The following ADGRV1 variants were observed in gnomAD, a reference collection of about 807,000 sequenced individuals.
The protein encoded by ADGRV1 is G-protein coupled receptor 98.
In ADGRV1, 359 loss-of-function variants were observed where a neutral mutation model predicts 596.2. That is an observed-to-expected ratio of 0.60 (90% CI 0.55 to 0.66). ADGRV1 has a LOEUF of 0.66. Ranked by LOEUF, ADGRV1 falls within the 30% of genes least tolerant of loss-of-function variation. ADGRV1 has a pLI of 0.00. For synonymous variants in ADGRV1, 2,681 were observed against 2,679.2 expected (o/e 1.00, Z -0.02); for missense variants, 7,274 against 7,575.6 (o/e 0.96, Z 1.48).
intron 83 of ADGRV1, among the ~76,000 whole-genome samples, chr5:90,947,691 T>C (rs1776704367): frequency 1.3e-5 from 2 of 151,938 alleles, no homozygotes; most frequent in Admixed American, 1.3e-4. Context: ...TGAAATAGGG[T>C]GAGGAAGGTC....
chr5:91,066,288 T>G lies in ADGRV1; in HGVS notation c.18153-6159T>G, dbSNP rs749172100. ...TTTCAAAAGCTACTCTAACATGATA[T>G]TCACAGTTTCCTAACACCCCTGATC... On this transcript the variant is annotated intron_variant, in intron 85 of 89. Coordinates refer to ENST00000405460, the MANE Select transcript of ADGRV1 (RefSeq NM_032119.4). Among the ~76,000 whole-genome samples the G allele has an allele frequency of 3.7e-4, 56 of 152,216 alleles. 1 individual carries two copies. The highest frequency in any genetic ancestry group is 7.5e-4 in the Non-Finnish European group (51 of 68,038).
At chr5:91,004,167 A>G (rs1328026054) in intron 85 of ADGRV1, among the ~76,000 whole-genome samples, 1 of 152,214 alleles carries the variant, frequency 6.6e-6, no homozygotes, top group Non-Finnish European at 1.5e-5. Context: ...AAGACTTCCA[A>G]CTATCAGATA....
chr5:91,047,194 A>G (rs558862366), intron 85 of ADGRV1, among the ~76,000 whole-genome samples: 15 of 152,136 alleles, frequency 9.9e-5, no homozygotes, highest in Non-Finnish European at 1.8e-4. Context: ...ACTGTGAACA[A>G]ATTTCTTAGT....
chr5:91,015,693 G>T (rs1783118128), intron 85 of ADGRV1, among the ~76,000 whole-genome samples: 1 of 151,966 alleles, frequency 6.6e-6, no homozygotes, highest in South Asian at 2.1e-4. Context: ...TCTGAAATTA[G>T]AATCGCAACT....
In ADGRV1 at chr5:90,720,179, C is replaced by G. The variant is rs1027889901; in HGVS notation, c.9579C>G (p.Asn3193Lys). 1.9e-6 allele frequency: 3 copies of G among 1,607,460 alleles called. No individual in the cohort carries two copies. The highest frequency in any genetic ancestry group is 1.7e-6 in the Non-Finnish European group (2 of 1,176,978). The change falls in exon 44 of 90, where the codon AAC becomes AAG. Residue 3193 changes from asparagine to lysine, a missense_variant. This residue lies in a region of ADGRV1 where 3,643 missense variants were observed against 3,809.2 expected (regional missense o/e 0.96). Coordinates refer to ENST00000405460, the MANE Select transcript of ADGRV1 (RefSeq NM_032119.4). Reference protein sequence around the residue: ...HVQTLITVLQNQAPLGLFSIS... With the variant: ...HVQTLITVLQKQAPLGLFSIS... ...AAACCCTGATAACAGTTTTGCAAAA[C>G]CAGGCCCCTTTGGGGCTATTCAGTA...
intron 58 of ADGRV1, chr5:90,763,067 A>G (rs1200518114): frequency 4.9e-6 from 2 of 404,774 alleles, no homozygotes; most frequent in Admixed American, 3.8e-5. Flanking sequence ...TCTCTGGGTC[A>G]GAATTCAGTC....
At chr5:90,729,868 G>GT (rs1752311667) in intron 50 of ADGRV1, 104 bp downstream of exon 50, 41 of 1,197,442 alleles carry the variant, frequency 3.4e-5, no homozygotes, top group African/African-American at 3.0e-4. Flanking sequence ...CAGACACTGG[G>GT]TATTTTTTTT....
intron 59 of ADGRV1, among the ~76,000 whole-genome samples, chr5:90,771,649 A>G (rs1757705205): frequency 6.6e-6 from 1 of 152,232 alleles, no homozygotes; most frequent in Non-Finnish European, 1.5e-5. Context: ...TAAAGGTTTT[A>G]AATTTTTTAA....
In ADGRV1 at chr5:90,924,189, C is replaced by G. The variant is rs903770702; in HGVS notation, c.17857-41226C>G. ...TCAAATGGTATTTCTAGTTCTAGAT[C>G]CCTGAGGAATCATCACACTGACTTC... On this transcript the variant is annotated intron_variant, in intron 83 of 89. Transcript: ENST00000405460. 9.2e-5 allele frequency among the ~76,000 whole-genome samples: 14 copies of G among 151,812 alleles called. 1 individual carries two copies. Among genetic ancestry groups the G allele is most frequent in the African/African-American group, 3.4e-4 (14 of 41,098 alleles).
At chr5:91,116,331 G>A (rs1365229097) in intron 87 of ADGRV1, among the ~76,000 whole-genome samples, 1 of 152,148 alleles carries the variant, frequency 6.6e-6, no homozygotes, top group Non-Finnish European at 1.5e-5. Context: ...TTTTGTGATT[G>A]TAGGCAAATT....
chr5:90,725,373 A>C, intron 47 of ADGRV1, 141 bp downstream of exon 47: 1 of 698,350 alleles, frequency 1.4e-6, no homozygotes, highest in Non-Finnish European at 2.3e-6. Flanking sequence ...ATTTTAGCAA[A>C]GTATCTTAAT....
intron 1 of ADGRV1, among the ~76,000 whole-genome samples, chr5:90,594,615 G>T (rs1038795256): frequency 1.3e-3 from 183 of 146,084 alleles, no homozygotes; most frequent in Non-Finnish European, 3.1e-4. Context: ...GGTTTTCCTA[G>T]GCAGAGGACC....
chr5:91,148,824 C>T (rs905868470), intron 87 of ADGRV1, among the ~76,000 whole-genome samples: 1 of 152,212 alleles, frequency 6.6e-6, no homozygotes, highest in African/African-American at 2.4e-5. Context: ...TGCAAAGCCA[C>T]AGGGGTGGAG....
At chr5:90,958,603 C>T (rs1054351303) in intron 83 of ADGRV1, among the ~76,000 whole-genome samples, 1 of 152,126 alleles carries the variant, frequency 6.6e-6, no homozygotes, top group South Asian at 2.1e-4. Flanking sequence ...TCAGGGTTGA[C>T]TTCATTCTGA....
chr5:90,605,068 A>G (rs1761910008), intron 1 of ADGRV1, among the ~76,000 whole-genome samples: 1 of 152,160 alleles, frequency 6.6e-6, no homozygotes, highest in African/African-American at 2.4e-5. Context: ...TGCAAACGGG[A>G]GTACATGAGC....
chr5:90,665,654 T>C (rs61008196), intron 21 of ADGRV1, among the ~76,000 whole-genome samples: 79,825 of 145,962 alleles, frequency 0.55, 22,517 homozygotes, highest in East Asian at 0.8. Context: ...GCCTTCTGCT[T>C]GCTTTTGAAT....
rs1436133492 is a variant in ADGRV1 at position 90,637,724 on chromosome 5, G to A, written c.2017-1G>A. ...TTGTTCTGTTCTTTTCTTTTTATAAGGTATACATTCCCTTACATCGGGATG... is the reference window on the plus strand; with the variant it reads ...TTGTTCTGTTCTTTTCTTTTTATAAAGTATACATTCCCTTACATCGGGATG... On this transcript the variant is annotated splice_acceptor_variant, in intron 10 of 89. Transcript: ENST00000405460. LOFTEE classifies it high-confidence loss of function. 1.9e-6 allele frequency: 3 copies of A among 1,578,320 alleles called. No individual in the cohort carries two copies. The East Asian group carries it at 6.7e-5, about 35-fold the overall frequency.
At chr5:90,899,773 C>T (rs1771667994) in intron 83 of ADGRV1, among the ~76,000 whole-genome samples, 1 of 152,090 alleles carries the variant, frequency 6.6e-6, no homozygotes, top group Non-Finnish European at 1.5e-5. Flanking sequence ...GACTCTCATG[C>T]TCCATTCCTT....
chr5:91,133,029 T>G (rs190040680), intron 87 of ADGRV1, among the ~76,000 whole-genome samples: 51 of 152,252 alleles, frequency 3.3e-4, no homozygotes, highest in South Asian at 2.9e-3. Flanking sequence ...AGAATTATTA[T>G]AGGAGAGGAG....
Sources: gnomAD v4.1 joint callset for allele counts (sites outside exome capture counted in the v4.1 genomes callset) on GRCh38, gnomAD v4.1.1 for gene constraint, gnomAD v4.1.1 regional missense constraint, MANE v1.5 for transcripts, NCBI Gene and HGNC (gene_info 2026-07-23, HGNC 2026-07-21) for gene names.